FTO: variants seen among roughly 807,000 people sequenced by gnomAD.
FTO encodes FTO alpha-ketoglutarate dependent dioxygenase, also known as alpha-ketoglutarate-dependent dioxygenase FTO.
In FTO, 47 loss-of-function variants were observed where a neutral mutation model predicts 63.9. The ratio of observed to expected loss-of-function variants is 0.74; its 90% confidence interval spans 0.58 to 0.94. The LOEUF is 0.94. Ranked by LOEUF, FTO falls within the 40% of genes least tolerant of loss-of-function variation. The pLI is 0.00. For missense variants in FTO, 562 were observed against 618.1 expected, an observed-to-expected ratio of 0.91 and a Z score of 0.96; for synonymous variants, 207 against 224.4, an observed-to-expected ratio of 0.92 and a Z score of 0.69.
At chr16:53,980,553 G>A (rs1048016996) in intron 8 of FTO, among the ~76,000 whole-genome samples, 3 of 152,146 alleles carry the variant, frequency 2.0e-5, no homozygotes, top group Non-Finnish European at 4.4e-5. Flanking sequence ...CTGAAAAGGC[G>A]GCTGAGGCCC....
intron 1 of FTO, among the ~76,000 whole-genome samples, chr16:53,752,146 A>T (rs994644573): frequency 5.3e-5 from 8 of 152,344 alleles, no homozygotes; most frequent in African/African-American, 1.9e-4. Flanking sequence ...ATTAAGGGAG[A>T]TGAAGCTAGT....
intron 1 of FTO, among the ~76,000 whole-genome samples, chr16:53,712,230 T>A (rs1281941135): frequency 6.6e-6 from 1 of 152,202 alleles, no homozygotes; most frequent in Non-Finnish European, 1.5e-5. Flanking sequence ...AGTCTACTTT[T>A]ATTATGGGCC....
intron 1 of FTO, among the ~76,000 whole-genome samples, chr16:53,803,008 C>G (rs1005441964): frequency 1.3e-5 from 2 of 152,188 alleles, no homozygotes; most frequent in African/African-American, 4.8e-5. Flanking sequence ...ATTTCATCAT[C>G]TGTTCTGTTT....
At chr16:54,084,634 A>G (rs762346907) in intron 8 of FTO, among the ~76,000 whole-genome samples, 1 of 152,220 alleles carries the variant, frequency 6.6e-6, no homozygotes, top group Non-Finnish European at 1.5e-5. Context: ...ATGTCTTTTC[A>G]GAGCCACCAG....
In FTO at chr16:53,845,914, A is replaced by C. The variant is rs57653079; in HGVS notation, c.895+1616A>C. ...TACCTCTTAAATTCTTCTCATGGGG[A>C]GATTCCTGCATTTCTTGAACACTGA... On this transcript the variant is annotated intron_variant, in intron 4 of 8. Coordinates refer to ENST00000471389, the MANE Select transcript of FTO (RefSeq NM_001080432.3). 5.8e-4 allele frequency among the ~76,000 whole-genome samples: 89 copies of C among 152,196 alleles called. 1 individual carries two copies. The East Asian group carries it at 0.015, about 25-fold the overall frequency.
In FTO at chr16:53,869,408, G is replaced by A. The variant is rs143539885; in HGVS notation, c.896-4378G>A. Among the ~76,000 whole-genome samples the A allele has an allele frequency of 1.5e-4, 23 of 151,984 alleles. No homozygotes were observed. The East Asian group carries it at 4.4e-3, about 29-fold the overall frequency. ...CTGAGCTTCCCGAGTCTCTAGTTTG[G>A]TGTCTAACATTAATTTAAGAATATT... On this transcript the variant is annotated intron_variant, in intron 4 of 8. Transcript: ENST00000471389.
intron 4 of FTO, among the ~76,000 whole-genome samples, chr16:53,857,853 C>T (rs1181074165): frequency 2.0e-5 from 3 of 152,112 alleles, no homozygotes; most frequent in African/African-American, 7.2e-5. Flanking sequence ...GATAGTTATT[C>T]AAATTGATGT....
chr16:53,888,037 T>G (rs1380152094), intron 6 of FTO: 2 of 152,140 alleles, frequency 1.3e-5, no homozygotes, highest in African/African-American at 4.8e-5. Context: ...CGTATTCAGT[T>G]TATGCCTTTC....
intron 8 of FTO, chr16:54,069,922 A>T (rs1279972225): frequency 3.3e-5 from 5 of 152,178 alleles, no homozygotes; most frequent in African/African-American, 1.2e-4. Context: ...GGGTTTGATT[A>T]TTGGTTCTTT....
intron 1 of FTO, among the ~76,000 whole-genome samples, chr16:53,731,046 C>A (rs2076259308): frequency 6.6e-6 from 1 of 152,044 alleles, no homozygotes; most frequent in South Asian, 2.1e-4. Context: ...TGCCAAGTTG[C>A]CTTATGGAAA....
intron 7 of FTO, among the ~76,000 whole-genome samples, chr16:53,922,447 T>C (rs1259691685): frequency 6.6e-6 from 1 of 152,138 alleles, no homozygotes; most frequent in Admixed American, 6.5e-5. Flanking sequence ...TGAGGATAAT[T>C]TCAACACCTA....
At chr16:53,924,390 G>A (rs1197843452) in intron 7 of FTO, among the ~76,000 whole-genome samples, 1 of 152,160 alleles carries the variant, frequency 6.6e-6, no homozygotes, top group Non-Finnish European at 1.5e-5. Flanking sequence ...ACTAAAATAT[G>A]TCTTACTGGC....
At chr16:53,861,987 C>T (rs976987347) in intron 4 of FTO, among the ~76,000 whole-genome samples, 19 of 152,274 alleles carry the variant, frequency 1.2e-4, no homozygotes, top group Admixed American at 1.2e-3. Flanking sequence ...TGCAGTGGCT[C>T]ATCCGTGTAA....
At chr16:53,831,132 A>G (rs536279025) in intron 3 of FTO, among the ~76,000 whole-genome samples, 2 of 152,210 alleles carry the variant, frequency 1.3e-5, no homozygotes, top group Non-Finnish European at 2.9e-5. Flanking sequence ...GACTTGCTCT[A>G]TATTTCTCAG....
intron 8 of FTO, among the ~76,000 whole-genome samples, chr16:53,939,093 A>G (rs1305400054): frequency 6.6e-6 from 1 of 152,198 alleles, no homozygotes; most frequent in Non-Finnish European, 1.5e-5. Context: ...CTCTGTCTCA[A>G]AATAAAAAAA....
At chr16:53,883,622 C>CAAAAAAAAAA (rs36010057) in intron 6 of FTO, among the ~76,000 whole-genome samples, 13 of 59,340 alleles carry the variant, frequency 2.2e-4, no homozygotes, top group African/African-American at 9.2e-4. Context: ...AACTCTATCT[C>CAAAAAAAAAA]AAAAAAAAAA....
intron 8 of FTO, among the ~76,000 whole-genome samples, chr16:53,947,979 C>T (rs1045003038): frequency 5.3e-5 from 8 of 152,012 alleles, no homozygotes; most frequent in South Asian, 2.1e-4. Context: ...TAAGAAAGTA[C>T]GCCTGCATGT....
intron 7 of FTO, among the ~76,000 whole-genome samples, chr16:53,898,218 C>G (rs1026467252): frequency 6.6e-6 from 1 of 152,172 alleles, no homozygotes; most frequent in African/African-American, 2.4e-5. Flanking sequence ...CCCTCTTTCC[C>G]TCCCCTAATG....
chr16:53,942,627 T>A (rs2082556093), intron 8 of FTO, among the ~76,000 whole-genome samples: 1 of 152,224 alleles, frequency 6.6e-6, no homozygotes, highest in Non-Finnish European at 1.5e-5. Context: ...CACCTGCTAA[T>A]GTCCTCGTCT....
Sources: allele counts gnomAD v4.1 joint callset (sites outside exome capture counted in the v4.1 genomes callset), GRCh38; gene constraint gnomAD v4.1.1; transcripts MANE v1.5; gene names NCBI Gene and HGNC (gene_info 2026-07-23, HGNC 2026-07-21).